Variants in FAM81A observed in about 807,000 individuals in gnomAD.
The protein encoded by FAM81A is family with sequence similarity 81 member A, also known as protein FAM81A.
FAM81A carries 19 observed loss-of-function variants against 46.7 expected under a neutral mutation model. That is an observed-to-expected ratio of 0.41 (90% CI 0.28 to 0.60). The LOEUF is 0.60. Among genes scored for constraint, FAM81A ranks in the 20% least tolerant of loss-of-function variants. The pLI is 0.34. For synonymous variants in FAM81A, 183 were observed against 152.9 expected, an observed-to-expected ratio of 1.20 and a Z score of -1.45; for missense variants, 377 against 453.5, an observed-to-expected ratio of 0.83 and a Z score of 1.53.
At chr15:59,492,869 C>T (rs74019606) in intron 4 of FAM81A, among the ~76,000 whole-genome samples, 5,641 of 152,216 alleles carry the variant, frequency 0.037, 317 homozygotes, top group African/African-American at 0.12. Context: ...GCCTCAACAG[C>T]ACCTGGGACC....
chr15:59,461,223 G>T (rs1394154711), intron 3 of FAM81A, among the ~76,000 whole-genome samples: 4 of 152,084 alleles, frequency 2.6e-5, no homozygotes, highest in African/African-American at 9.7e-5. Flanking sequence ...CTAGAAATTG[G>T]TCTTTTCCAG....
intron 1 of FAM81A, among the ~76,000 whole-genome samples, chr15:59,455,101 A>G (rs1381491813): frequency 2.2e-5 from 3 of 135,570 alleles, no homozygotes; most frequent in Non-Finnish European, 4.7e-5. Context: ...GCATTTCACC[A>G]TATTGCCCAG....
At chr15:59,436,567 G>C (rs1361372153), upstream of FAM81A, among the ~76,000 whole-genome samples, 1 of 152,106 alleles carries the variant, frequency 6.6e-6, no homozygotes, top group African/African-American at 2.4e-5. Context: ...CTAGACTCTT[G>C]GTGATGGACT....
intron 4 of FAM81A, among the ~76,000 whole-genome samples, chr15:59,504,396 G>A (rs919493265): frequency 6.6e-6 from 1 of 152,042 alleles, no homozygotes; most frequent in Non-Finnish European, 1.5e-5. Flanking sequence ...CATATGCAAG[G>A]CAATAAATAA....
At chr15:59,480,927 C>T (rs764435684) in intron 3 of FAM81A, among the ~76,000 whole-genome samples, 7 of 152,144 alleles carry the variant, frequency 4.6e-5, no homozygotes, top group Admixed American at 1.3e-4. Flanking sequence ...TTTCTAGTAA[C>T]ATGAATACTT....
chr15:59,504,048 G>T (rs1239621676), intron 4 of FAM81A, among the ~76,000 whole-genome samples: 2 of 152,050 alleles, frequency 1.3e-5, no homozygotes, highest in Non-Finnish European at 2.9e-5. Flanking sequence ...TGATGAAACT[G>T]GTCTGATGTA....
chr15:59,417,620 C>A (rs2081152629), intron 2 of FAM81A, among the ~76,000 whole-genome samples: 1 of 152,026 alleles, frequency 6.6e-6, no homozygotes, highest in South Asian at 2.1e-4. Flanking sequence ...GAAGCTGAGG[C>A]AGGAGAATTG....
chr15:59,517,899 T>C (rs568606615), intron 8 of FAM81A, among the ~76,000 whole-genome samples: 30 of 152,306 alleles, frequency 2.0e-4, no homozygotes, highest in Middle Eastern at 3.4e-3. Context: ...GCACCTAATA[T>C]GAAAAGCATC....
Position 59,522,473 on chromosome 15 carries a change from T to C in FAM81A, c.*1095T>C, listed in dbSNP as rs1366085658. 4 of 152,456 alleles carry C rather than the reference T, an allele frequency of 2.6e-5. No homozygotes were observed. Among genetic ancestry groups the C allele is most frequent in the Admixed American group, 1.3e-4 (2 of 15,290 alleles). The allele number at this position is 152,456 out of a possible 1,614,324, so 9.4% of individuals were successfully genotyped here. A position where few individuals can be genotyped will look rare whatever the true frequency, so the allele number is the denominator to read the frequency against. On this transcript the variant is annotated 3_prime_UTR_variant, in exon 9 of 9. Transcript: ENST00000288228. ...CTAATGGAATAGAAATTCATACTTTTGTATGGACAACAATTCAAATTGATA... is the reference window on the plus strand; with the variant it reads ...CTAATGGAATAGAAATTCATACTTTCGTATGGACAACAATTCAAATTGATA...
chr15:59,477,562 TG>T (rs1291733906), intron 3 of FAM81A, among the ~76,000 whole-genome samples: 2 of 152,190 alleles, frequency 1.3e-5, no homozygotes, highest in Non-Finnish European at 2.9e-5. Context: ...AGTTATACAC[TG>T]GAAAAAAAGT....
At chr15:59,468,537 G>C (rs1242361947) in intron 3 of FAM81A, among the ~76,000 whole-genome samples, 1 of 151,926 alleles carries the variant, frequency 6.6e-6, no homozygotes, top group Non-Finnish European at 1.5e-5. Context: ...TTGTATTTCT[G>C]TGCGATCAGT....
intron 6 of FAM81A, among the ~76,000 whole-genome samples, chr15:59,510,777 CAAAAAAAAAAA>C (rs71119479): frequency 0.046 from 1,199 of 25,858 alleles, 19 homozygotes; most frequent in Admixed American, 0.077. Context: ...GACCCTGTCT[CAAAAAAAAAAA>C]AAAAAAAAAA....
intron 3 of FAM81A, among the ~76,000 whole-genome samples, chr15:59,490,196 T>G (rs563893896): frequency 2.6e-5 from 4 of 151,566 alleles, no homozygotes; most frequent in Admixed American, 6.6e-5. Context: ...TCTAGGACAT[T>G]GGAGTGGGCA....
At chr15:59,492,607 G>T (rs560272763) in intron 4 of FAM81A, among the ~76,000 whole-genome samples, 13 of 152,090 alleles carry the variant, frequency 8.5e-5, no homozygotes, top group Non-Finnish European at 1.6e-4. Context: ...TTGTCTTCCT[G>T]GGAAGAAATG....
intron 2 of FAM81A, among the ~76,000 whole-genome samples, chr15:59,429,419 C>T (rs2081209982): frequency 6.6e-6 from 1 of 152,056 alleles, no homozygotes; most frequent in Non-Finnish European, 1.5e-5. Flanking sequence ...GTCATCCTGT[C>T]CTTCTGTATT....
intron 8 of FAM81A, among the ~76,000 whole-genome samples, chr15:59,517,580 C>G (rs2082280842): frequency 6.6e-6 from 1 of 152,172 alleles, no homozygotes; most frequent in Non-Finnish European, 1.5e-5. Context: ...TCTCTCCTAG[C>G]TTCTTCCAGT....
At chr15:59,490,292 C>T (rs1461717616) in intron 3 of FAM81A, among the ~76,000 whole-genome samples, 6 of 151,996 alleles carry the variant, frequency 3.9e-5, no homozygotes, top group African/African-American at 1.5e-4. Flanking sequence ...AAAGCTTCTG[C>T]ACATCAAAAG....
At position 59,477,990 on chromosome 15, in the gene FAM81A, T is replaced by C. The variant is rs140043586; in HGVS notation, c.295-14281T>C. Among the ~76,000 whole-genome samples the C allele has an allele frequency of 2.3e-4, 35 of 152,354 alleles. No individual in the cohort carries two copies. The East Asian group carries it at 6.0e-3, about 26-fold the overall frequency. ...AAGTAATATAGTCAACTATGAATTATACATGTCTGGGTTATCCATACTGTC... is the reference window on the plus strand; with the variant it reads ...AAGTAATATAGTCAACTATGAATTACACATGTCTGGGTTATCCATACTGTC... On this transcript the variant is annotated intron_variant, in intron 3 of 8. Coordinates refer to ENST00000288228, the MANE Select transcript of FAM81A (RefSeq NM_152450.3).
At position 59,414,656 on chromosome 15, in the gene FAM81A, T is replaced by C. The variant is rs1427148291; in HGVS notation, c.-78+12298T>C. Among the ~76,000 whole-genome samples, 13 of 151,334 alleles carry C rather than the reference T, an allele frequency of 8.6e-5. No homozygotes were observed. In the East Asian group the frequency reaches 2.1e-3, roughly 25 times the overall value. On this transcript the variant is annotated intron_variant, in intron 2 of 4. Transcript: ENST00000558348. Reference sequence around the variant, plus strand: ...GGACTGGTGACAACTGAGTTCTTTTTTGAGGATCTGTATTTAGGCAGATGG... The same window carrying C: ...GGACTGGTGACAACTGAGTTCTTTTCTGAGGATCTGTATTTAGGCAGATGG...
Sources: gnomAD v4.1 joint callset for allele counts (sites outside exome capture counted in the v4.1 genomes callset) on GRCh38, gnomAD v4.1.1 for gene constraint, MANE v1.5 for transcripts, NCBI Gene and HGNC (gene_info 2026-07-23, HGNC 2026-07-21) for gene names.